The following RNASEH1 variants were observed in gnomAD, a reference collection of about 807,000 sequenced individuals.
The protein encoded by RNASEH1 is ribonuclease H1.
A neutral mutation model predicts 34.6 loss-of-function variants in RNASEH1; 27 were observed. The ratio of observed to expected loss-of-function variants is 0.78; its 90% CI spans 0.58 to 1.08. RNASEH1 has a LOEUF of 1.08. Ranked by LOEUF, RNASEH1 falls within the 50% of genes least tolerant of loss-of-function variation. The pLI, the probability that RNASEH1 is intolerant of heterozygous loss-of-function variation, is 0.00. For synonymous variants in RNASEH1, 162 were observed against 138.4 expected, an observed-to-expected ratio of 1.17 and a Z score of -1.20; for missense variants, 349 against 373.6, an observed-to-expected ratio of 0.93 and a Z score of 0.54.
At position 3,544,310 on chromosome 2, in the gene RNASEH1, T is replaced by TA; in HGVS notation, c.*1474dup. On this transcript the variant is annotated 3_prime_UTR_variant, in exon 8 of 8. Transcript: ENST00000315212. ...CCCAGCTGCCAATGTGCAGGAAACA[T>TA]AGAGGACCATGCTGAACTACACCAT... Among the ~76,000 whole-genome samples, 1 of 152,166 alleles carries TA rather than the reference T, an allele frequency of 6.6e-6. No individual in the cohort carries two copies. The highest frequency in any genetic ancestry group is 1.9e-4 in the East Asian group (1 of 5,174).
chr2:3,550,173 G>T, intron 4 of RNASEH1, 200 bp downstream of exon 4: 3 of 428,588 alleles, frequency 7.0e-6, no homozygotes, highest in Non-Finnish European at 8.4e-6. Context: ...AAAAAGCAAA[G>T]GAAGTAAAGC....
chr2:3,549,085 C>T lies in RNASEH1; in HGVS notation c.537G>A (p.Arg179=). The change falls in exon 5 of 8, where the codon CGG becomes CGA. Residue 179 remains arginine, a synonymous_variant. Coordinates refer to ENST00000315212, the MANE Select transcript of RNASEH1 (RefSeq NM_002936.6). ...PLNVGIRLPG[R]QTNQRAEIHA... is the part of the protein sequence containing the mutation. Reference sequence around the variant, plus strand: ...GAATTTCCGCTCTTTGGTTTGTCTGCCGCCCAGGAAGTCTAATGCCTACAT... The same window carrying T: ...GAATTTCCGCTCTTTGGTTTGTCTGTCGCCCAGGAAGTCTAATGCCTACAT... 4.3e-6 allele frequency: 7 copies of T among 1,613,630 alleles called. No homozygotes were observed. Among genetic ancestry groups the T allele is most frequent in the Non-Finnish European group, 5.9e-6 (7 of 1,179,566 alleles).
Position 3,552,190 on chromosome 2 carries a change from G to A in RNASEH1, c.363C>T (p.Ser121=), listed in dbSNP as rs201104222. 5.8e-5 allele frequency: 93 copies of A among 1,612,180 alleles called. No individual in the cohort carries two copies. The highest frequency in any genetic ancestry group is 4.5e-4 in the South Asian group (41 of 90,958). Residue 121 remains serine (S), a synonymous_variant, in exon 3 of 8, where the codon AGC becomes AGT. Transcript: ENST00000315212. ...TGCTAACTGGAGGCGCCGGCTCCAC[G>A]CTCGGCTTCATGTGCTTTGCATACG... ...AEPYAKHMKP[S]VEPAPPVSRD...
chr2:3,555,539 G>C (rs1162998810), intron 2 of RNASEH1, among the ~76,000 whole-genome samples: 1 of 152,156 alleles, frequency 6.6e-6, no homozygotes, highest in Admixed American at 6.5e-5. Context: ...GCCTCGCTCT[G>C]AATTGTGCTT....
chr2:3,550,146 A>C, intron 4 of RNASEH1: 1 of 300,524 alleles, frequency 3.3e-6, no homozygotes, highest in Non-Finnish European at 6.4e-6. Context: ...GTGTCTTAAA[A>C]AAAAAAAAAA....
intron 4 of RNASEH1, chr2:3,550,096 T>C (rs1669139464): frequency 5.2e-6 from 2 of 381,106 alleles, no homozygotes; most frequent in African/African-American, 4.2e-5. Context: ...TGAGCTGTGT[T>C]TGTGCCACTG....
At position 3,541,800 on chromosome 2, in the gene RNASEH1, T is replaced by G. The variant is rs1668328327; in HGVS notation, c.*3985A>C. ...ACAGCTTCACAGGCAAATGCATCGG[T>G]CACTTCACGTATGTGCAGTTCATTA... On this transcript the variant is annotated 3_prime_UTR_variant, in exon 8 of 8. Coordinates refer to ENST00000315212, the MANE Select transcript of RNASEH1 (RefSeq NM_002936.6). Among the ~76,000 whole-genome samples, 2 of 152,178 alleles carry G rather than the reference T, an allele frequency of 1.3e-5. No homozygotes were observed. Among genetic ancestry groups the G allele is most frequent in the African/African-American group, 4.8e-5 (2 of 41,436 alleles).
chr2:3,554,470 A>G (rs562333576), intron 2 of RNASEH1, among the ~76,000 whole-genome samples: 16 of 152,374 alleles, frequency 1.1e-4, no homozygotes, highest in Admixed American at 3.3e-4. Flanking sequence ...AAGAACCAGT[A>G]AATAGCTCAA....
chr2:3,557,882 G>A (rs975575738), intron 1 of RNASEH1: 4 of 1,492,460 alleles, frequency 2.7e-6, no homozygotes, highest in East Asian at 2.7e-5. Context: ...GGGTTTATTA[G>A]GCCACCCCTA....
rs1318872185 is a variant in RNASEH1 at position 3,545,127 on chromosome 2, A to G, written c.*658T>C. The G allele has an allele frequency of 6.7e-6, 1 of 149,578 alleles. No homozygotes were observed. The highest frequency in any genetic ancestry group is 1.5e-5 in the Non-Finnish European group (1 of 67,608). 9.3% of individuals were successfully genotyped at this position (149,578 alleles called of 1,614,324 possible). A position where few individuals can be genotyped will look rare whatever the true frequency, so the allele number is the denominator to read the frequency against. ...TAATTTGCACAGTTTTTAACGAAAG[A>G]GCCAAATAAATTTTTGAAAGTTTAT... On this transcript the variant is annotated 3_prime_UTR_variant, in exon 8 of 8. Transcript: ENST00000315212.
chr2:3,556,730 C>A, intron 2 of RNASEH1, 59 bp downstream of exon 2: 1 of 1,108,996 alleles, frequency 9.0e-7, no homozygotes, highest in Non-Finnish European at 1.4e-6. Context: ...CAAATGCCAT[C>A]TGGCATATGA....
chr2:3,541,069 C>G (rs1470618481), downstream of RNASEH1, among the ~76,000 whole-genome samples: 1 of 152,122 alleles, frequency 6.6e-6, no homozygotes, highest in Non-Finnish European at 1.5e-5. Flanking sequence ...TGGGCTCACA[C>G]TGTAATCCCA....
In RNASEH1 at chr2:3,558,222, C is replaced by G. The variant is rs1213737143; in HGVS notation, c.39G>C (p.Leu13Phe). The change falls in exon 1 of 8, where the codon TTG becomes TTC. Residue 13 changes from leucine (L) to phenylalanine (F), a missense_variant. This residue lies in a region of RNASEH1 where 256 missense variants were observed against 240.7 expected (regional missense o/e 1.06). Transcript: ENST00000315212. ...AGCCGCGGCGGCAGGGCAAGGCGGCCAAGGCGACTCTGTGGGCCAGGAACA... is the reference window on the plus strand; with the variant it reads ...AGCCGCGGCGGCAGGGCAAGGCGGCGAAGGCGACTCTGTGGGCCAGGAACA... Reference protein sequence around the residue: ...WLLFLAHRVALAALPCRRGSR... With the variant: ...WLLFLAHRVAFAALPCRRGSR... The G allele has an allele frequency of 1.3e-6, 2 of 1,598,770 alleles. No homozygotes were observed. The highest frequency in any genetic ancestry group is 2.7e-5 in the African/African-American group (2 of 73,368).
At chr2:3,548,795 C>T in intron 5 of RNASEH1, 71 bp from the exon 6 acceptor site, 1 of 1,132,664 alleles carries the variant, frequency 8.8e-7, no homozygotes, top group East Asian at 2.4e-5. Context: ...TTCAAAAGTA[C>T]TTCGAAATTG....
chr2:3,532,220 C>A, the RNASEH1 span: 1 of 701,668 alleles, frequency 1.4e-6, no homozygotes, highest in Middle Eastern at 2.3e-4. Flanking sequence ...ACTTTCAAGG[C>A]ATTCACTCCG....
downstream of RNASEH1, among the ~76,000 whole-genome samples, chr2:3,539,951 T>C (rs1246744536): frequency 6.6e-6 from 1 of 152,160 alleles, no homozygotes; most frequent in Non-Finnish European, 1.5e-5. Flanking sequence ...CTCGTTTTGT[T>C]TGACCTCCGG....
chr2:3,555,122 T>C (rs1027678661), intron 2 of RNASEH1, among the ~76,000 whole-genome samples: 1 of 152,194 alleles, frequency 6.6e-6, no homozygotes. Context: ...ACAGAGAAGT[T>C]TCACAATCCC....
At chr2:3,538,531 G>T (rs944673802), downstream of RNASEH1, among the ~76,000 whole-genome samples, 2 of 151,942 alleles carry the variant, frequency 1.3e-5, no homozygotes, top group South Asian at 2.1e-4. Context: ...GACACAAAAG[G>T]CAGCCTGCTG....
the RNASEH1 span, chr2:3,532,074 A>G: frequency 1.7e-6 from 1 of 594,856 alleles, no homozygotes; most frequent in Non-Finnish European, 3.0e-6. Context: ...TGACAAAGAG[A>G]TAAGGAGAGG....
Sources: gnomAD v4.1 joint callset for allele counts (sites outside exome capture counted in the v4.1 genomes callset) on GRCh38, gnomAD v4.1.1 for gene constraint, gnomAD v4.1.1 regional missense constraint, MANE v1.5 for transcripts, NCBI Gene and HGNC (gene_info 2026-07-23, HGNC 2026-07-21) for gene names.